The following DENND1A variants were observed in gnomAD, a reference collection of about 807,000 sequenced individuals.
DENND1A encodes the protein DENN domain-containing protein 1A.
In DENND1A, 51 loss-of-function variants were observed where a neutral mutation model predicts 113.7. The ratio of observed to expected loss-of-function variants is 0.45; its 90% CI spans 0.36 to 0.57. DENND1A has a LOEUF of 0.57. DENND1A is among the 20% of genes least tolerant of loss of function. The pLI, the probability that DENND1A is intolerant of heterozygous loss-of-function variation, is 0.00. For missense variants in DENND1A, 1,258 were observed against 1,395.9 expected (o/e 0.90, Z 1.57); for synonymous variants, 565 against 570.8 (o/e 0.99, Z 0.14).
intron 13 of DENND1A, among the ~76,000 whole-genome samples, chr9:123,504,733 C>G (rs180781769): frequency 4.6e-5 from 7 of 152,148 alleles, no homozygotes; most frequent in Admixed American, 3.3e-4. Flanking sequence ...CAGGCAGGGC[C>G]GGCACTCCTG....
intron 5 of DENND1A, among the ~76,000 whole-genome samples, chr9:123,687,002 T>C (rs2064851953): frequency 6.6e-6 from 1 of 152,166 alleles, no homozygotes; most frequent in African/African-American, 2.4e-5. Context: ...TTACGCTCTA[T>C]GCTTCAATGC....
intron 11 of DENND1A, among the ~76,000 whole-genome samples, chr9:123,590,292 T>A (rs1228097766): frequency 2.6e-5 from 4 of 152,144 alleles, no homozygotes; most frequent in Admixed American, 1.3e-4. Context: ...GGGTTGGGAA[T>A]CAGATTTCTC....
chr9:123,669,492 C>A (rs773898595), intron 7 of DENND1A, among the ~76,000 whole-genome samples: 4 of 152,198 alleles, frequency 2.6e-5, no homozygotes, highest in Admixed American at 6.5e-5. Context: ...GAAACAGCTG[C>A]GCCACCCCAG....
intron 18 of DENND1A, among the ~76,000 whole-genome samples, chr9:123,443,023 A>G (rs2047043816): frequency 6.6e-6 from 1 of 152,172 alleles, no homozygotes; most frequent in African/African-American, 2.4e-5. Flanking sequence ...GCTTTTCCAG[A>G]CCCTTGACCT....
At chr9:123,503,457 C>T (rs1053331628) in intron 13 of DENND1A, among the ~76,000 whole-genome samples, 1 of 152,138 alleles carries the variant, frequency 6.6e-6, no homozygotes, top group Non-Finnish European at 1.5e-5. Context: ...ACACTCAGCC[C>T]ATTTCTGTAA....
intron 12 of DENND1A, among the ~76,000 whole-genome samples, chr9:123,582,129 G>A (rs923435076): frequency 2.0e-5 from 3 of 152,194 alleles, no homozygotes; most frequent in Admixed American, 6.5e-5. Context: ...ACTGCCACCC[G>A]ATACTCTACC....
chr9:123,909,787 TA>T (rs963857987), intron 1 of DENND1A, among the ~76,000 whole-genome samples: 4 of 151,718 alleles, frequency 2.6e-5, no homozygotes, highest in African/African-American at 9.7e-5. Flanking sequence ...ACATATAAAA[TA>T]AAAAAAACCT....
chr9:123,767,581 C>T (rs925658943), intron 4 of DENND1A, among the ~76,000 whole-genome samples: 2 of 152,124 alleles, frequency 1.3e-5, no homozygotes, highest in African/African-American at 4.8e-5. Context: ...AATGTAATCA[C>T]CCAGACAGGT....
Position 123,556,007 on chromosome 9 carries a change from A to T in DENND1A, c.993+1563T>A, listed in dbSNP as rs200348978. ...GGGGAAGACAACTGTATTTTCCTTGAATTGTGCCAGCTGTCACTGCTTTGA... is the reference window on the plus strand; with the variant it reads ...GGGGAAGACAACTGTATTTTCCTTGTATTGTGCCAGCTGTCACTGCTTTGA... On this transcript the variant is annotated intron_variant, in intron 13 of 23. Coordinates refer to ENST00000394215, the MANE Select transcript of DENND1A (RefSeq NM_001352964.2). Among the ~76,000 whole-genome samples the T allele has an allele frequency of 6.6e-5, 10 of 152,328 alleles. No individual in the cohort carries two copies. In the East Asian group the frequency reaches 1.9e-3, roughly 29 times the overall value.
intron 9 of DENND1A, among the ~76,000 whole-genome samples, chr9:123,637,334 T>C (rs991651002): frequency 2.0e-5 from 3 of 152,254 alleles, no homozygotes; most frequent in African/African-American, 4.8e-5. Flanking sequence ...TAGAAAATGC[T>C]GTGTGTCTTG....
At chr9:123,495,607 C>A (rs1473334623) in intron 13 of DENND1A, among the ~76,000 whole-genome samples, 1 of 152,176 alleles carries the variant, frequency 6.6e-6, no homozygotes. Flanking sequence ...ACCCACCGAT[C>A]AATATGAAGC....
Position 123,879,026 on chromosome 9 carries a change from A to G in DENND1A, c.18-5T>C, listed in dbSNP as rs1307731019. On this transcript the variant is annotated splice_region_variant and splice_polypyrimidine_tract_variant and intron_variant, in intron 1 of 23. Transcript: ENST00000394215. ...AATGTGGTCTCTGGATTCTGCCTAC[A>G]AAAGAAACAGATCATGATTACTGAC... is the stretch of plus-strand genomic sequence containing the variant. The G allele has an allele frequency of 1.9e-6, 3 of 1,613,644 alleles. No individual in the cohort carries two copies. The highest frequency in any genetic ancestry group is 1.7e-5 in the Admixed American group (1 of 59,998).
At chr9:123,828,953 G>C (rs948440599) in intron 2 of DENND1A, among the ~76,000 whole-genome samples, 2 of 152,096 alleles carry the variant, frequency 1.3e-5, no homozygotes, top group African/African-American at 4.8e-5. Context: ...GAACAGTATA[G>C]AGACCACAGA....
At chr9:123,646,117 T>C (rs1589495313) in intron 9 of DENND1A, among the ~76,000 whole-genome samples, 1 of 152,304 alleles carries the variant, frequency 6.6e-6, no homozygotes, top group East Asian at 1.9e-4. Flanking sequence ...TGATTTCCCA[T>C]TATAGAATTT....
intron 2 of DENND1A, among the ~76,000 whole-genome samples, chr9:123,798,702 G>C (rs1352207192): frequency 3.8e-5 from 5 of 133,090 alleles, no homozygotes; most frequent in Non-Finnish European, 7.7e-5. Context: ...AAATGCAAAA[G>C]GAAGGGTAGG....
chr9:123,858,694 G>A (rs555010069), intron 2 of DENND1A, among the ~76,000 whole-genome samples: 16 of 152,206 alleles, frequency 1.1e-4, no homozygotes, highest in African/African-American at 3.6e-4. Context: ...TCTGGCACTC[G>A]GAAGTCAGGG....
chr9:123,411,599 G>C (rs568374970), intron 20 of DENND1A, 177 bp downstream of exon 20: 8 of 223,168 alleles, frequency 3.6e-5, no homozygotes, highest in Admixed American at 2.6e-4. Flanking sequence ...GAAAAAGCAA[G>C]AGAAGCCCAG....
intron 13 of DENND1A, among the ~76,000 whole-genome samples, chr9:123,550,558 A>C (rs2056979213): frequency 1.3e-5 from 2 of 152,262 alleles, no homozygotes; most frequent in African/African-American, 4.8e-5. Flanking sequence ...ACCGTCATGC[A>C]GCATGGGTTA....
At chr9:123,458,721 G>T (rs1004986476) in intron 13 of DENND1A, among the ~76,000 whole-genome samples, 2 of 152,190 alleles carry the variant, frequency 1.3e-5, no homozygotes, top group African/African-American at 2.4e-5. Context: ...CAGCATTTTG[G>T]GAGGCCAAGG....
Sources: gnomAD v4.1 joint callset for allele counts (sites outside exome capture counted in the v4.1 genomes callset) on GRCh38, gnomAD v4.1.1 for gene constraint, MANE v1.5 for transcripts, NCBI Gene and HGNC (gene_info 2026-07-23, HGNC 2026-07-21) for gene names.